The following TRPM6 variants were observed in gnomAD, a reference collection of about 807,000 sequenced individuals.
TRPM6 encodes channel kinase 2.
Under a neutral mutation model 247.6 loss-of-function variants are expected in TRPM6, and 111 were observed. The ratio of observed to expected loss-of-function variants is 0.45; its 90% confidence interval spans 0.38 to 0.52. TRPM6 has a LOEUF of 0.52. Ranked by LOEUF, TRPM6 falls within the 20% of genes least tolerant of loss-of-function variation. The pLI is 0.00. For missense variants in TRPM6, 2,126 were observed against 2,421.5 expected, an observed-to-expected ratio of 0.88 and a Z score of 2.56; for synonymous variants, 892 against 853.8, an observed-to-expected ratio of 1.04 and a Z score of -0.78.
intron 1 of TRPM6, among the ~76,000 whole-genome samples, chr9:74,878,722 G>C (rs1831266637): frequency 6.6e-6 from 1 of 152,130 alleles, no homozygotes; most frequent in Non-Finnish European, 1.5e-5. Context: ...ACATGAAAAA[G>C]CAAGGAAATA....
chr9:74,844,629 G>T (rs1412097486), intron 3 of TRPM6, among the ~76,000 whole-genome samples: 2 of 152,288 alleles, frequency 1.3e-5, no homozygotes, highest in East Asian at 3.9e-4. Context: ...TGCTGTGGCT[G>T]GTTTGATCTT....
At chr9:74,769,055 C>T (rs1352616335) in intron 25 of TRPM6, among the ~76,000 whole-genome samples, 1 of 152,132 alleles carries the variant, frequency 6.6e-6, no homozygotes, top group African/African-American at 2.4e-5. Flanking sequence ...TTTCATTGTA[C>T]TCTTACTATG....
At chr9:74,846,294 CT>C (rs930840285) in intron 3 of TRPM6, among the ~76,000 whole-genome samples, 11 of 152,038 alleles carry the variant, frequency 7.2e-5, no homozygotes, top group South Asian at 2.1e-4. Flanking sequence ...TTGTTTGCTT[CT>C]TTTTTTTCCC....
chr9:74,748,118 C>A (rs1488371867), intron 30 of TRPM6, among the ~76,000 whole-genome samples: 2 of 152,158 alleles, frequency 1.3e-5, no homozygotes, highest in African/African-American at 2.4e-5. Flanking sequence ...TAGATTATAA[C>A]AGAGCTGAAA....
In TRPM6 at chr9:74,776,083, G is replaced by A; in HGVS notation, c.3210-7C>T. 6.2e-7 allele frequency: 1 copy of A among 1,609,450 alleles called. No homozygotes were observed. Among genetic ancestry groups the A allele is most frequent in the Non-Finnish European group, 8.5e-7 (1 of 1,175,862 alleles). On this transcript the variant is annotated splice_region_variant and splice_polypyrimidine_tract_variant and intron_variant, in intron 23 of 38. Coordinates refer to ENST00000360774, the MANE Select transcript of TRPM6 (RefSeq NM_017662.5). Reference sequence around the variant, plus strand: ...CATATCTAAGTAAACGTTGCTGTAAGATGAAGTAAGAGAGGGACAATGTTT... The same window carrying A: ...CATATCTAAGTAAACGTTGCTGTAAAATGAAGTAAGAGAGGGACAATGTTT...
chr9:74,822,911 A>G (rs1829181822), intron 7 of TRPM6, among the ~76,000 whole-genome samples: 1 of 152,164 alleles, frequency 6.6e-6, no homozygotes, highest in Non-Finnish European at 1.5e-5. Context: ...CATGTTATAT[A>G]AATGACCAGA....
chr9:74,724,840 G>A (rs1825263186), intron 38 of TRPM6, 94 bp from the exon 39 acceptor site: 3 of 1,498,072 alleles, frequency 2.0e-6, no homozygotes, highest in African/African-American at 1.4e-5. Context: ...CAAGTGTTCA[G>A]AGAGATCTCC....
rs763509814 is a variant in TRPM6 at position 74,786,055 on chromosome 9, G to A, written c.2738C>T (p.Thr913Ile). Residue 913 changes from threonine (T) to isoleucine (I), a missense_variant, in exon 21 of 39, where the codon ACA (threonine) becomes ATA (isoleucine). Thr to Ile is a moderately conservative substitution (Grantham distance 89, BLOSUM62 -1). Coordinates refer to ENST00000360774, the MANE Select transcript of TRPM6 (RefSeq NM_017662.5). ...AAACAGGCCAATGGCCACAGTTTCT[G>A]TTAAGTTCCAGTACTCACTAATCCA... ...KVWISEYWNL[T>I]ETVAIGLFSA... The A allele has an allele frequency of 6.2e-7, 1 of 1,614,074 alleles. No individual in the cohort carries two copies. The highest frequency in any genetic ancestry group is 1.3e-5 in the African/African-American group (1 of 74,910).
intron 35 of TRPM6, 36 bp downstream of exon 35, chr9:74,739,331 T>C (rs1825787508): frequency 6.3e-7 from 1 of 1,579,666 alleles, no homozygotes; most frequent in Non-Finnish European, 8.7e-7. Flanking sequence ...AAATTCCTAC[T>C]TGAAACAAAG....
At chr9:74,814,939 C>A (rs180967346) in intron 11 of TRPM6, among the ~76,000 whole-genome samples, 488 of 151,894 alleles carry the variant, frequency 3.2e-3, no homozygotes, top group Non-Finnish European at 5.5e-3. Flanking sequence ...CAGAGTGAGA[C>A]CCTATCTCAA....
chr9:74,878,281 T>C (rs1203646445), intron 1 of TRPM6, among the ~76,000 whole-genome samples: 1 of 152,112 alleles, frequency 6.6e-6, no homozygotes, highest in South Asian at 2.1e-4. Context: ...CCATTGCCAC[T>C]GACAGCACCC....
chr9:74,752,116 TA>T (rs1826269489), intron 29 of TRPM6, among the ~76,000 whole-genome samples, 160 bp downstream of exon 29: 1 of 151,826 alleles, frequency 6.6e-6, no homozygotes, highest in African/African-American at 2.4e-5. Flanking sequence ...ATTGAAAAAA[TA>T]GAACAGAAAT....
Position 74,812,397 on chromosome 9 carries a change from C to A in TRPM6, c.1345G>T (p.Val449Leu), listed in dbSNP as rs1259807699. 6.2e-7 allele frequency: 1 copy of A among 1,613,922 alleles called. No individual in the cohort carries two copies. The highest frequency in any genetic ancestry group is 8.5e-7 in the Non-Finnish European group (1 of 1,179,986). ...TTCACAAAATCCACCCGATCCATCA[C>A]TAAAGCATCTGACATTGCTTGTTCC... ...ALEQAMSDAL[V>L]MDRVDFVKLL... Residue 449 changes from valine (V) to leucine (L), a missense_variant, in exon 12 of 39, where the codon GTG becomes TTG. Physicochemically the swap from Val to Leu is conservative, Grantham distance 32. Transcript: ENST00000360774.
intron 13 of TRPM6, among the ~76,000 whole-genome samples, chr9:74,809,524 C>T (rs1828650708): frequency 6.6e-6 from 1 of 151,978 alleles, no homozygotes; most frequent in South Asian, 2.1e-4. Context: ...AAAAGTAATG[C>T]TCTTATTGCT....
intron 1 of TRPM6, among the ~76,000 whole-genome samples, chr9:74,875,772 A>G (rs1446536387): frequency 6.6e-6 from 1 of 152,180 alleles, no homozygotes; most frequent in Non-Finnish European, 1.5e-5. Flanking sequence ...TGGGCCAGAT[A>G]AGGACAAAGG....
chr9:74,881,640 A>T (rs1265019294), intron 1 of TRPM6, among the ~76,000 whole-genome samples: 1 of 152,218 alleles, frequency 6.6e-6, no homozygotes, highest in Non-Finnish European at 1.5e-5. Context: ...ACACATTTTT[A>T]TCAGCATGTG....
chr9:74,822,038 G>A (rs925037183), intron 7 of TRPM6, among the ~76,000 whole-genome samples: 5 of 152,106 alleles, frequency 3.3e-5, no homozygotes, highest in Admixed American at 6.5e-5. Flanking sequence ...GCATAAATAT[G>A]GTGACAGCAT....
intron 36 of TRPM6, among the ~76,000 whole-genome samples, chr9:74,736,119 C>T (rs149957965): frequency 6.5e-4 from 99 of 152,380 alleles, no homozygotes; most frequent in African/African-American, 1.9e-3. Flanking sequence ...CAATTACTAA[C>T]ATTTACTGAA....
At chr9:74,876,283 C>A (rs960660933) in intron 1 of TRPM6, among the ~76,000 whole-genome samples, 3 of 152,156 alleles carry the variant, frequency 2.0e-5, no homozygotes, top group Non-Finnish European at 4.4e-5. Context: ...GGGGTTTCAT[C>A]ATGCTGGTCA....
Sources: allele counts gnomAD v4.1 joint callset (sites outside exome capture counted in the v4.1 genomes callset), GRCh38; gene constraint gnomAD v4.1.1; transcripts MANE v1.5; gene names NCBI Gene and HGNC (gene_info 2026-07-23, HGNC 2026-07-21).